The following NKAIN2 variants were observed in gnomAD, a reference collection of about 807,000 sequenced individuals.
The protein encoded by NKAIN2 is sodium/potassium-transporting ATPase subunit beta-1-interacting protein 2.
A neutral mutation model predicts 32.6 loss-of-function variants in NKAIN2; 14 were observed. The ratio of observed to expected loss-of-function variants is 0.43; its 90% CI spans 0.28 to 0.67. The LOEUF is 0.67. Ranked by LOEUF, NKAIN2 falls within the 30% of genes least tolerant of loss-of-function variation. The pLI, the probability that NKAIN2 is intolerant of heterozygous loss-of-function variation, is 0.17. For missense variants in NKAIN2, 198 were observed against 258.3 expected, an observed-to-expected ratio of 0.77 and a Z score of 1.60; for synonymous variants, 80 against 87.2, an observed-to-expected ratio of 0.92 and a Z score of 0.46.
chr6:123,869,063 A>C (rs1230750527), intron 1 of NKAIN2, among the ~76,000 whole-genome samples: 1 of 152,196 alleles, frequency 6.6e-6, no homozygotes, highest in Non-Finnish European at 1.5e-5. Context: ...AAGATCCTGA[A>C]GAGTTATTTA....
intron 2 of NKAIN2, among the ~76,000 whole-genome samples, chr6:124,290,718 C>T (rs757407297): frequency 6.7e-6 from 1 of 149,640 alleles, no homozygotes; most frequent in Non-Finnish European, 1.5e-5. Flanking sequence ...AGAAACAAAA[C>T]AGGCCTTGCT....
chr6:124,493,408 A>T (rs1777940976), intron 3 of NKAIN2, among the ~76,000 whole-genome samples: 1 of 152,040 alleles, frequency 6.6e-6, no homozygotes, highest in Non-Finnish European at 1.5e-5. Flanking sequence ...CTATGAATTC[A>T]GGGTAATATA....
At chr6:124,007,605 T>C (rs1282545051) in intron 1 of NKAIN2, among the ~76,000 whole-genome samples, 2 of 152,224 alleles carry the variant, frequency 1.3e-5, no homozygotes, top group East Asian at 3.9e-4. Flanking sequence ...GAACTTCTAG[T>C]TGGGTCAGGT....
chr6:123,929,743 TC>T (rs1460630702), intron 1 of NKAIN2, among the ~76,000 whole-genome samples: 1 of 152,208 alleles, frequency 6.6e-6, no homozygotes, highest in South Asian at 2.1e-4. Context: ...CATTTCAGTA[TC>T]CCTTATCTGA....
intron 1 of NKAIN2, among the ~76,000 whole-genome samples, chr6:124,197,837 GTTT>G (rs71541243): frequency 0.022 from 2,105 of 94,434 alleles, 51 homozygotes; most frequent in African/African-American, 0.075. Context: ...CCTGTGTCTG[GTTT>G]TTTTTTTTTT....
At chr6:124,779,204 A>G (rs867150779) in intron 4 of NKAIN2, among the ~76,000 whole-genome samples, 60 of 150,474 alleles carry the variant, frequency 4.0e-4, no homozygotes, top group African/African-American at 1.4e-3. Context: ...AGATCGTGCC[A>G]CTGCATTCCA....
chr6:123,896,472 T>A (rs947130729), intron 1 of NKAIN2, among the ~76,000 whole-genome samples: 6 of 152,166 alleles, frequency 3.9e-5, no homozygotes, highest in African/African-American at 1.4e-4. Context: ...TGTTAGCTAG[T>A]CAAAGACTCA....
intron 2 of NKAIN2, among the ~76,000 whole-genome samples, chr6:124,309,800 C>G (rs182308280): frequency 1.2e-3 from 187 of 152,102 alleles, no homozygotes; most frequent in Non-Finnish European, 2.1e-3. Context: ...CACTAGTCAT[C>G]CTAGTTTTAT....
At chr6:124,664,569 C>T (rs1405791538) in intron 4 of NKAIN2, among the ~76,000 whole-genome samples, 3 of 150,832 alleles carry the variant, frequency 2.0e-5, no homozygotes, top group Non-Finnish European at 4.4e-5. Flanking sequence ...CCGAGGCGGG[C>T]GGATCACGAG....
At chr6:123,881,719 CAT>C (rs1773461780) in intron 1 of NKAIN2, among the ~76,000 whole-genome samples, 1 of 152,036 alleles carries the variant, frequency 6.6e-6, no homozygotes, top group African/African-American at 2.4e-5. Context: ...AGCATGAAAT[CAT>C]ATTAGGATAG....
chr6:124,814,820 G>A lies in NKAIN2; in HGVS notation c.536-3567G>A, dbSNP rs146764887. 3.1e-3 allele frequency among the ~76,000 whole-genome samples: 473 copies of A among 152,184 alleles called. 3 individuals are homozygous for A. Among genetic ancestry groups the A allele is most frequent in the African/African-American group, 0.011 (442 of 41,520 alleles). On this transcript the variant is annotated intron_variant, in intron 5 of 6. Coordinates refer to ENST00000368417, the MANE Select transcript of NKAIN2 (RefSeq NM_001040214.3). ...CTTCACATTATCCCTTGGTTCACCC[G>A]AAGATCTTTGGTTCATAATTATCAT...
chr6:124,803,918 A>AAT (rs1177166463), intron 5 of NKAIN2, among the ~76,000 whole-genome samples: 1 of 152,176 alleles, frequency 6.6e-6, no homozygotes, highest in African/African-American at 2.4e-5. Flanking sequence ...GTGTATTTTT[A>AAT]ATATATATAC....
chr6:124,450,705 T>C (rs1230536821), intron 3 of NKAIN2, among the ~76,000 whole-genome samples: 1 of 151,906 alleles, frequency 6.6e-6, no homozygotes, highest in Non-Finnish European at 1.5e-5. Context: ...ACAGTGAAAA[T>C]ACTAAGTTAT....
chr6:123,912,366 C>A (rs1775258381), intron 1 of NKAIN2, among the ~76,000 whole-genome samples: 1 of 152,128 alleles, frequency 6.6e-6, no homozygotes, highest in Middle Eastern at 3.4e-3. Context: ...TTATGGCACA[C>A]TTTAGTCAAT....
chr6:124,768,242 T>C (rs1778597346), intron 4 of NKAIN2, among the ~76,000 whole-genome samples: 1 of 152,212 alleles, frequency 6.6e-6, no homozygotes, highest in East Asian at 1.9e-4. Flanking sequence ...TGTGTGAAAG[T>C]ATTGAGTATA....
intron 1 of NKAIN2, among the ~76,000 whole-genome samples, chr6:124,076,442 T>TA (rs1289246834): frequency 6.6e-6 from 1 of 152,204 alleles, no homozygotes; most frequent in African/African-American, 2.4e-5. Context: ...CATAGATAAT[T>TA]ACTGGATTGA....
intron 1 of NKAIN2, among the ~76,000 whole-genome samples, chr6:124,160,035 G>T (rs1788192173): frequency 1.3e-5 from 2 of 152,142 alleles, no homozygotes; most frequent in South Asian, 4.1e-4. Flanking sequence ...TCTGAGTAAA[G>T]CAATGCCAGT....
chr6:124,286,229 A>G (rs1217568847), intron 2 of NKAIN2, among the ~76,000 whole-genome samples: 3 of 152,112 alleles, frequency 2.0e-5, no homozygotes, highest in African/African-American at 7.2e-5. Context: ...TAACATGACT[A>G]TTTCATTGTT....
intron 3 of NKAIN2, among the ~76,000 whole-genome samples, chr6:124,626,087 T>A (rs1783325533): frequency 1.1e-5 from 1 of 93,242 alleles, no homozygotes; most frequent in African/African-American, 3.8e-5. Context: ...ATGCTATCCC[T>A]CCCCACTCCC....
Sources: gnomAD v4.1 joint callset for allele counts (sites outside exome capture counted in the v4.1 genomes callset) on GRCh38, gnomAD v4.1.1 for gene constraint, MANE v1.5 for transcripts, NCBI Gene and HGNC (gene_info 2026-07-23, HGNC 2026-07-21) for gene names.